KHDRBS2: variants seen among roughly 807,000 people sequenced by gnomAD.
KHDRBS2 encodes KH RNA binding domain containing, signal transduction associated 2, also known as KH domain-containing, RNA-binding, signal transduction-associated protein 2.
Under a neutral mutation model 44.3 loss-of-function variants are expected in KHDRBS2, and 26 were observed. The observed-to-expected ratio is 0.59, with a 90% CI of 0.43 to 0.81. The LOEUF (loss-of-function observed/expected upper bound fraction) is 0.81, where lower values mean the gene tolerates loss of function less well. Among genes scored for constraint, KHDRBS2 ranks in the 40% least tolerant of loss-of-function variants. The pLI is 0.00. For missense variants in KHDRBS2, 476 were observed against 433.1 expected, an observed-to-expected ratio of 1.10 and a Z score of -0.88; for synonymous variants, 194 against 151.1, an observed-to-expected ratio of 1.28 and a Z score of -2.08.
At chr6:61,910,279 C>G (rs1805819919) in intron 4 of KHDRBS2, among the ~76,000 whole-genome samples, 1 of 152,068 alleles carries the variant, frequency 6.6e-6, no homozygotes, top group Non-Finnish European at 1.5e-5. Flanking sequence ...TTTAATCAGC[C>G]CAGGCTCAGA....
chr6:62,101,849 ATT>A (rs1261923726), intron 2 of KHDRBS2, among the ~76,000 whole-genome samples: 7 of 152,206 alleles, frequency 4.6e-5, no homozygotes, highest in South Asian at 4.1e-4. Context: ...TTTCTGCATC[ATT>A]CTTTTATTGT....
chr6:61,934,443 A>G (rs1810660406), intron 4 of KHDRBS2, among the ~76,000 whole-genome samples: 1 of 152,176 alleles, frequency 6.6e-6, no homozygotes, highest in South Asian at 2.1e-4. Flanking sequence ...AAAGTGAGAT[A>G]TCACACTGAT....
chr6:61,949,351 C>G (rs889734412), intron 4 of KHDRBS2, among the ~76,000 whole-genome samples: 1 of 152,032 alleles, frequency 6.6e-6, no homozygotes, highest in African/African-American at 2.4e-5. Context: ...TACTTCTATA[C>G]TTGTTTTATT....
the KHDRBS2 span, among the ~76,000 whole-genome samples, chr6:61,585,572 CACA>C: frequency 1.3e-5 from 2 of 152,008 alleles, no homozygotes; most frequent in Non-Finnish European, 2.9e-5. Context: ...TCAGATGTAC[CACA>C]ACACTTTATA....
chr6:62,068,623 T>C (rs973611278), intron 2 of KHDRBS2, among the ~76,000 whole-genome samples: 5 of 151,634 alleles, frequency 3.3e-5, no homozygotes, highest in Non-Finnish European at 7.4e-5. Context: ...AATCATATAG[T>C]TTTAACTCAT....
intron 4 of KHDRBS2, among the ~76,000 whole-genome samples, chr6:61,902,506 A>AACACACAC (rs34224070): frequency 0.01 from 1,549 of 149,688 alleles, 28 homozygotes; most frequent in African/African-American, 0.036. Flanking sequence ...TTTACTAATC[A>AACACACAC]ACACACACAC....
chr6:61,567,989 T>C, the KHDRBS2 span, among the ~76,000 whole-genome samples: 1 of 152,182 alleles, frequency 6.6e-6, no homozygotes, highest in Admixed American at 6.5e-5. Flanking sequence ...ATATAAGTCT[T>C]TAATTCATCT....
intron 2 of KHDRBS2, among the ~76,000 whole-genome samples, chr6:62,100,787 G>A (rs1450030878): frequency 2.0e-5 from 3 of 152,034 alleles, no homozygotes; most frequent in Non-Finnish European, 4.4e-5. Context: ...ATATGCACTG[G>A]GAAACCAGAT....
intron 3 of KHDRBS2, among the ~76,000 whole-genome samples, chr6:62,028,051 C>G (rs1175046720): frequency 6.6e-6 from 1 of 152,036 alleles, no homozygotes; most frequent in Admixed American, 6.6e-5. Context: ...GAGGGGGGCA[C>G]TTCTGTGGGA....
chr6:62,185,282 T>A (rs906745211), intron 1 of KHDRBS2, among the ~76,000 whole-genome samples: 11 of 151,852 alleles, frequency 7.2e-5, no homozygotes, highest in African/African-American at 2.7e-4. Flanking sequence ...AACCTGTGTT[T>A]TACATCATAG....
At chr6:61,547,896 G>A in the KHDRBS2 span, among the ~76,000 whole-genome samples, 2 of 151,988 alleles carry the variant, frequency 1.3e-5, no homozygotes, top group African/African-American at 2.4e-5. Context: ...AATTATGTTG[G>A]CCTTTATAGA....
intron 6 of KHDRBS2, among the ~76,000 whole-genome samples, chr6:61,827,701 G>A (rs188854272): frequency 1.3e-5 from 2 of 152,166 alleles, no homozygotes; most frequent in Admixed American, 6.5e-5. Flanking sequence ...AGTGTGGTCC[G>A]ACTCTGGTGA....
intron 2 of KHDRBS2, among the ~76,000 whole-genome samples, chr6:62,080,376 A>T (rs1428381546): frequency 6.6e-6 from 1 of 152,144 alleles, no homozygotes; most frequent in Non-Finnish European, 1.5e-5. Context: ...TTCAAGGATA[A>T]TATCAAAAAC....
At chr6:62,193,281 G>C (rs572031488) in intron 1 of KHDRBS2, among the ~76,000 whole-genome samples, 1 of 151,956 alleles carries the variant, frequency 6.6e-6, no homozygotes, top group Admixed American at 6.6e-5. Flanking sequence ...TGGTCCCTTT[G>C]TTTTAGGTAT....
At chr6:61,677,262 A>G (rs1765996607), downstream of KHDRBS2, among the ~76,000 whole-genome samples, 1 of 151,920 alleles carries the variant, frequency 6.6e-6, no homozygotes, top group Non-Finnish European at 1.5e-5. Flanking sequence ...TTGCTTTATC[A>G]GATCAAGCCC....
intron 3 of KHDRBS2, among the ~76,000 whole-genome samples, chr6:61,983,551 ATTTATAGGT>A (rs1428043059): frequency 2.6e-5 from 4 of 151,988 alleles, no homozygotes; most frequent in Non-Finnish European, 5.9e-5. Flanking sequence ...ATTCACCAAA[ATTTATAGGT>A]ACTGCAGGTG....
intron 2 of KHDRBS2, among the ~76,000 whole-genome samples, chr6:62,085,536 A>C (rs1035320563): frequency 2.6e-4 from 39 of 152,170 alleles, no homozygotes; most frequent in Non-Finnish European, 4.9e-4. Context: ...AATATGCCAC[A>C]AAAATGACTG....
intron 4 of KHDRBS2, among the ~76,000 whole-genome samples, chr6:61,933,010 T>C (rs1392449142): frequency 6.6e-6 from 1 of 152,158 alleles, no homozygotes; most frequent in African/African-American, 2.4e-5. Context: ...GTTCTTGCAG[T>C]GCTATAAAGA....
chr6:62,120,716 A>C (rs1807421977), intron 2 of KHDRBS2, among the ~76,000 whole-genome samples: 2 of 152,206 alleles, frequency 1.3e-5, no homozygotes, highest in African/African-American at 2.4e-5. Flanking sequence ...GAGTGGACAA[A>C]TGAATAATTT....
Sources: gnomAD v4.1 joint callset for allele counts (sites outside exome capture counted in the v4.1 genomes callset) on GRCh38, gnomAD v4.1.1 for gene constraint, MANE v1.5 for transcripts, NCBI Gene and HGNC (gene_info 2026-07-23, HGNC 2026-07-21) for gene names.